PCDHGA2: variants seen among roughly 807,000 people sequenced by gnomAD.
The protein encoded by PCDHGA2 is protocadherin gamma subfamily A, 2, also known as protocadherin gamma-A2.
In PCDHGA2, 40 loss-of-function variants were observed where a neutral mutation model predicts 59.2. The ratio of observed to expected loss-of-function variants is 0.68; its 90% CI spans 0.52 to 0.88. The LOEUF (loss-of-function observed/expected upper bound fraction) is 0.88. Among genes scored for constraint, PCDHGA2 ranks in the 40% least tolerant of loss-of-function variants. PCDHGA2 has a pLI of 0.00. For missense variants in PCDHGA2, 1,226 were observed against 1,204.0 expected (o/e 1.02, Z -0.27); for synonymous variants, 560 against 526.0 (o/e 1.06, Z -0.89).
intron 1 of PCDHGA2, chr5:141,399,349 C>T (rs1467940246): frequency 6.2e-7 from 1 of 1,613,932 alleles, no homozygotes; most frequent in East Asian, 2.2e-5. Context: ...AACCCTAGAC[C>T]GAGAGCAAAC....
rs1461617825 is a variant in PCDHGA2, at chr5:141,431,902, G to A, written c.2425-62905G>A. On this transcript the variant is annotated intron_variant, in intron 1 of 3. Coordinates refer to ENST00000394576, the MANE Select transcript of PCDHGA2 (RefSeq NM_018915.4). This position sits in a 1 kb window ranked among gnomAD's most constrained non-coding sequence, Gnocchi z 4.8. ...ACCAAGATTCTGAGGAAAACGGACA[G>A]GTGATCTGTTTCATCCAAGGAAATC... 1.2e-6 allele frequency: 2 copies of A among 1,613,764 alleles called. No homozygotes were observed. The highest frequency in any genetic ancestry group is 1.3e-5 in the African/African-American group (1 of 74,918).
At position 141,372,141 on chromosome 5, in the gene PCDHGA2, G is replaced by C. The variant is rs780330964; in HGVS notation, c.2424+30746G>C. On this transcript the variant is annotated intron_variant, in intron 1 of 3. Coordinates refer to ENST00000394576, the MANE Select transcript of PCDHGA2 (RefSeq NM_018915.4). ...CTTCGATATGGTGCCGCGCTCTGCAGAGCCTGGCTACCTGGTGACCAAGGT... is the reference window on the plus strand; with the variant it reads ...CTTCGATATGGTGCCGCGCTCTGCACAGCCTGGCTACCTGGTGACCAAGGT... 5.0e-6 allele frequency: 8 copies of C among 1,613,774 alleles called. No individual in the cohort carries two copies. The East Asian group carries it at 1.6e-4, about 31-fold the overall frequency.
chr5:141,424,319 G>A (rs1014361496), intron 1 of PCDHGA2: 1 of 152,006 alleles, frequency 6.6e-6, no homozygotes, highest in African/African-American at 2.4e-5. Context: ...ATATTGACTG[G>A]CTTTTAACTA....
chr5:141,346,971 A>G (rs1757833913), intron 1 of PCDHGA2, among the ~76,000 whole-genome samples: 1 of 152,134 alleles, frequency 6.6e-6, no homozygotes, highest in Non-Finnish European at 1.5e-5. Context: ...GACTCCTTCC[A>G]AGACAGGTGA....
chr5:141,490,445 A>G lies in PCDHGA2; in HGVS notation c.2425-4362A>G, dbSNP rs2099700298. 6.2e-7 allele frequency: 1 copy of G among 1,614,022 alleles called. No individual in the cohort carries two copies. The highest frequency in any genetic ancestry group is 8.5e-7 in the Non-Finnish European group (1 of 1,180,030). ...CCATTTCAGATTAAGCCTTCTGAGA[A>G]CCACTACTCGCTGCTAACCAGCCAG... On this transcript the variant is annotated intron_variant, in intron 1 of 3. Coordinates refer to ENST00000394576, the MANE Select transcript of PCDHGA2 (RefSeq NM_018915.4). The surrounding 1 kb of genome is among the most constrained non-coding windows in gnomAD (Gnocchi z 5.4).
intron 1 of PCDHGA2, chr5:141,409,203 T>C: frequency 1.2e-6 from 2 of 1,613,964 alleles, no homozygotes; most frequent in Non-Finnish European, 1.7e-6. Flanking sequence ...TGTAAAGTAA[T>C]CATAGAAATC....
intron 1 of PCDHGA2, chr5:141,344,944 T>TA (rs1404421152): frequency 6.2e-7 from 1 of 1,613,856 alleles, no homozygotes; most frequent in East Asian, 2.2e-5. Flanking sequence ...GTATCAATAT[T>TA]AAAAAGTCTA....
chr5:141,340,011 T>G lies in PCDHGA2; in HGVS notation c.1040T>G (p.Phe347Cys), dbSNP rs1440832527. Residue 347 changes from phenylalanine to cysteine, a missense_variant, in exon 1 of 4, where the codon TTT (phenylalanine) becomes TGT (cysteine). By Grantham distance (205) the Phe-to-Cys change is radical. Coordinates refer to ENST00000394576, the MANE Select transcript of PCDHGA2 (RefSeq NM_018915.4). Reference protein sequence around the residue: ...VLDVNDNAPEFYMTSATSSVS... With the variant: ...VLDVNDNAPECYMTSATSSVS... ...GATGTGAATGACAATGCCCCAGAAT[T>G]TTACATGACATCTGCTACTAGCTCA... The G allele has an allele frequency of 6.2e-7, 1 of 1,614,148 alleles. No individual in the cohort carries two copies. Among genetic ancestry groups the G allele is most frequent in the Non-Finnish European group, 8.5e-7 (1 of 1,180,012 alleles).
chr5:141,489,148 C>G lies in PCDHGA2; in HGVS notation c.2425-5659C>G. 1 of 895,318 alleles carries G rather than the reference C, an allele frequency of 1.1e-6. No individual in the cohort carries two copies. Among genetic ancestry groups the G allele is most frequent in the Non-Finnish European group, 1.7e-6 (1 of 589,254 alleles). The allele number at this position is 895,318 out of a possible 1,614,324, so 55.5% of individuals were successfully genotyped here. A position where few individuals can be genotyped will look rare whatever the true frequency, so the allele number is the denominator to read the frequency against. ...CAGTTTTTAAGAGGCTGGAAGGAGA[C>G]ATAAGAGACTTCAGCTGCTGCATTC... On this transcript the variant is annotated intron_variant, in intron 1 of 3. Transcript: ENST00000394576. This position sits in a 1 kb window ranked among gnomAD's most constrained non-coding sequence, Gnocchi z 4.5.
chr5:141,455,502 A>G (rs888549465), intron 1 of PCDHGA2, among the ~76,000 whole-genome samples: 12 of 152,206 alleles, frequency 7.9e-5, no homozygotes, highest in African/African-American at 2.7e-4. Flanking sequence ...TCTGATTTGC[A>G]TAGGGCTCAG....
chr5:141,372,619 C>A, intron 1 of PCDHGA2: 1 of 1,613,968 alleles, frequency 6.2e-7, no homozygotes, highest in South Asian at 1.1e-5. Context: ...GTTCTCCCCA[C>A]CTACAGCGAA....
Position 141,355,398 on chromosome 5 carries a change from C to T in PCDHGA2, c.2424+14003C>T, listed in dbSNP as rs768527060. 11 of 1,613,956 alleles carry T rather than the reference C, an allele frequency of 6.8e-6. No individual in the cohort carries two copies. The Admixed American group carries it at 1.3e-4, about 20-fold the overall frequency. ...AGCTGGCGGAGCGCGGAGTCCGCAT[C>T]GTCTCCAGAGGTAGGACGCAGCTTT... is the stretch of plus-strand genomic sequence containing the variant. On this transcript the variant is annotated intron_variant, in intron 1 of 3. Transcript: ENST00000394576.
At chr5:141,356,905 A>T (rs542271225) in intron 1 of PCDHGA2, 1 of 1,614,012 alleles carries the variant, frequency 6.2e-7, no homozygotes, top group African/African-American at 1.3e-5. Context: ...CACCTTCCCT[A>T]CTGATGGCTC....
chr5:141,390,290 C>T (rs1344237469), intron 1 of PCDHGA2: 1 of 1,613,806 alleles, frequency 6.2e-7, no homozygotes, highest in Admixed American at 1.7e-5. Flanking sequence ...AGGTGAGTTT[C>T]CTTTAAGTAT....
chr5:141,377,447 A>T (rs1397371836), intron 1 of PCDHGA2: 1 of 152,082 alleles, frequency 6.6e-6, no homozygotes, highest in African/African-American at 2.4e-5. Context: ...AAGAAAAAAA[A>T]GTAGCCAGAT....
intron 1 of PCDHGA2, chr5:141,344,199 C>A: frequency 6.2e-7 from 1 of 1,614,030 alleles, no homozygotes; most frequent in South Asian, 1.1e-5. Context: ...GGGGCTAGAG[C>A]CCCGGGAGCT....
Position 141,375,991 on chromosome 5 carries a change from C to A in PCDHGA2, c.2424+34596C>A, listed in dbSNP as rs770239249. 2 of 1,613,448 alleles carry A rather than the reference C, an allele frequency of 1.2e-6. No homozygotes were observed. The highest frequency in any genetic ancestry group is 2.7e-5 in the African/African-American group (2 of 75,068). On this transcript the variant is annotated intron_variant, in intron 1 of 3. Transcript: ENST00000394576. ...CGGCGCGCGCCCTGCTGGACAGAGA[C>A]GCGCTCAAGCAGAGCCTAGTGGTGG...
chr5:141,463,097 C>A (rs1333118215), intron 1 of PCDHGA2, among the ~76,000 whole-genome samples: 2 of 152,152 alleles, frequency 1.3e-5, no homozygotes, highest in East Asian at 3.8e-4. Context: ...CCCTATGTGA[C>A]CATCAAGAAT....
intron 1 of PCDHGA2, chr5:141,365,631 C>A: frequency 1.9e-6 from 3 of 1,613,644 alleles, no homozygotes; most frequent in Non-Finnish European, 2.5e-6. Context: ...CCCCTCTCTA[C>A]AGAAAGCCAC....
Sources: allele counts gnomAD v4.1 joint callset (sites outside exome capture counted in the v4.1 genomes callset), GRCh38; gene constraint gnomAD v4.1.1; non-coding constraint Gnocchi (gnomAD v3.1); transcripts MANE v1.5; gene names NCBI Gene and HGNC (gene_info 2026-07-23, HGNC 2026-07-21).